ST7: variants seen among roughly 807,000 people sequenced by gnomAD.
ST7 encodes suppressor of tumorigenicity 7 protein.
ST7 carries 28 observed loss-of-function variants against 78.7 expected under a neutral mutation model. The observed-to-expected ratio is 0.36, with a 90% CI of 0.26 to 0.49. ST7 has a LOEUF of 0.49. Ranked by LOEUF, ST7 falls within the 20% of genes least tolerant of loss-of-function variation. The probability of loss-of-function intolerance (pLI) is 0.99; values close to 1 mark genes in which losing one functional copy is unlikely to be tolerated. For missense variants in ST7, 418 were observed against 696.0 expected, an observed-to-expected ratio of 0.60 and a Z score of 4.49; for synonymous variants, 247 against 249.6, an observed-to-expected ratio of 0.99 and a Z score of 0.10.
At chr7:117,136,037 T>G (rs1804766125) in intron 7 of ST7, 44 bp from the exon 8 acceptor site, 4 of 1,602,642 alleles carry the variant, frequency 2.5e-6, no homozygotes, top group Non-Finnish European at 2.6e-6. Flanking sequence ...TATTACCATG[T>G]CCTTGGCTTT....
chr7:117,205,798 C>G (rs1217589073), intron 12 of ST7, among the ~76,000 whole-genome samples: 1 of 152,190 alleles, frequency 6.6e-6, no homozygotes, highest in Non-Finnish European at 1.5e-5. Context: ...TTTAGAAGCA[C>G]TGCATTTCAA....
At chr7:116,982,365 C>T (rs887546326) in intron 1 of ST7, among the ~76,000 whole-genome samples, 5 of 152,038 alleles carry the variant, frequency 3.3e-5, no homozygotes, top group African/African-American at 7.2e-5. Context: ...GCTAGGATTA[C>T]GGGCATGCAC....
intron 1 of ST7, among the ~76,000 whole-genome samples, chr7:117,089,580 T>C (rs1468042592): frequency 6.6e-6 from 1 of 151,162 alleles, no homozygotes; most frequent in Non-Finnish European, 1.5e-5. Context: ...TTTTGTTTTT[T>C]TTTTTTTTTG....
intron 1 of ST7, among the ~76,000 whole-genome samples, chr7:117,017,089 A>G (rs1471772030): frequency 1.3e-5 from 2 of 152,194 alleles, no homozygotes; most frequent in Non-Finnish European, 2.9e-5. Flanking sequence ...CAGGCTAACC[A>G]TGTGGTTTTT....
chr7:116,969,269 C>G (rs1235537808), intron 1 of ST7, among the ~76,000 whole-genome samples: 1 of 152,090 alleles, frequency 6.6e-6, no homozygotes, highest in African/African-American at 2.4e-5. Flanking sequence ...AGTATCATAT[C>G]TCCCTAGAAT....
intron 1 of ST7, among the ~76,000 whole-genome samples, chr7:117,012,253 G>T (rs1310845520): frequency 4.0e-5 from 6 of 150,408 alleles, no homozygotes; most frequent in Admixed American, 6.6e-5. Flanking sequence ...TGTAGATTTG[G>T]TTTTATTGGA....
intron 1 of ST7, chr7:117,071,964 G>A (rs1798990418): frequency 6.6e-6 from 1 of 152,136 alleles, no homozygotes; most frequent in Non-Finnish European, 1.5e-5. Flanking sequence ...TAAGAGTGAG[G>A]GATAAGAGGT....
chr7:117,165,577 A>G (rs1807489147), intron 9 of ST7, among the ~76,000 whole-genome samples: 2 of 152,164 alleles, frequency 1.3e-5, no homozygotes, highest in African/African-American at 4.8e-5. Context: ...TCCAGTCATG[A>G]AGTGTGTGTT....
chr7:117,073,543 T>C (rs960614017), intron 1 of ST7, among the ~76,000 whole-genome samples: 5 of 152,234 alleles, frequency 3.3e-5, no homozygotes, highest in Non-Finnish European at 2.9e-5. Context: ...AAGAGGCAGC[T>C]TGTTGTGGAG....
intron 12 of ST7, among the ~76,000 whole-genome samples, chr7:117,207,548 T>C (rs1440186652): frequency 1.3e-5 from 2 of 152,236 alleles, no homozygotes; most frequent in East Asian, 1.9e-4. Flanking sequence ...AGTTCTTTCA[T>C]AGATGCTTAA....
chr7:117,159,203 A>G (rs1422093534), intron 9 of ST7, among the ~76,000 whole-genome samples: 1 of 152,234 alleles, frequency 6.6e-6, no homozygotes, highest in Non-Finnish European at 1.5e-5. Context: ...GAGTATTTCA[A>G]ATCCAGTGAA....
chr7:117,181,856 G>A (rs1356694107), intron 10 of ST7, among the ~76,000 whole-genome samples: 2 of 152,082 alleles, frequency 1.3e-5, no homozygotes, highest in Admixed American at 6.6e-5. Context: ...AGTGTAAATG[G>A]CCCTTTTCCT....
chr7:117,141,982 G>A (rs895487221), intron 9 of ST7, among the ~76,000 whole-genome samples: 1 of 152,084 alleles, frequency 6.6e-6, no homozygotes, highest in African/African-American at 2.4e-5. Flanking sequence ...TCACTGTAAT[G>A]TAAGGTGTTA....
intron 1 of ST7, among the ~76,000 whole-genome samples, chr7:116,997,269 C>T (rs1404089996): frequency 6.6e-6 from 1 of 152,146 alleles, no homozygotes; most frequent in African/African-American, 2.4e-5. Flanking sequence ...GGAAGGGGAC[C>T]CGAGTGGGTT....
chr7:117,044,004 A>G (rs1405315960), intron 1 of ST7, among the ~76,000 whole-genome samples: 1 of 152,234 alleles, frequency 6.6e-6, no homozygotes, highest in Non-Finnish European at 1.5e-5. Context: ...TACTAAGACC[A>G]GGACTTACTC....
chr7:117,100,802 G>A (rs1310328133), intron 2 of ST7, among the ~76,000 whole-genome samples: 1 of 152,064 alleles, frequency 6.6e-6, no homozygotes. Context: ...AACTCAGTGG[G>A]ACTACTCTAA....
chr7:116,991,146 G>C (rs995677224), intron 1 of ST7, among the ~76,000 whole-genome samples: 3 of 152,116 alleles, frequency 2.0e-5, no homozygotes, highest in African/African-American at 7.3e-5. Context: ...ATATTTGGGT[G>C]GTTTCCAGTT....
chr7:117,143,473 C>T (rs749571136), intron 9 of ST7, among the ~76,000 whole-genome samples: 2 of 152,126 alleles, frequency 1.3e-5, no homozygotes, highest in African/African-American at 4.8e-5. Flanking sequence ...TGAAGTGTCC[C>T]CTGGCCAGTC....
At chr7:117,109,903 A>T (rs545281839) in intron 2 of ST7, among the ~76,000 whole-genome samples, 22 of 152,242 alleles carry the variant, frequency 1.4e-4, no homozygotes, top group Non-Finnish European at 2.9e-4. Context: ...CAAGTAAATA[A>T]ATGTGATACA....
Sources: gnomAD v4.1 joint callset for allele counts (sites outside exome capture counted in the v4.1 genomes callset) on GRCh38, gnomAD v4.1.1 for gene constraint, MANE v1.5 for transcripts, NCBI Gene and HGNC (gene_info 2026-07-23, HGNC 2026-07-21) for gene names.